Variants in NEGR1 observed in about 807,000 individuals in gnomAD.
NEGR1 encodes the protein IgLON family member 4.
A neutral mutation model predicts 40.9 loss-of-function variants in NEGR1; 10 were observed. The ratio of observed to expected loss-of-function variants is 0.24; its 90% CI spans 0.15 to 0.42. The LOEUF is 0.42. Ranked by LOEUF, NEGR1 falls within the 10% of genes least tolerant of loss-of-function variation. NEGR1 has a pLI of 1.00. For missense variants in NEGR1, 352 were observed against 438.9 expected, an observed-to-expected ratio of 0.80 and a Z score of 1.77; for synonymous variants, 185 against 166.8, an observed-to-expected ratio of 1.11 and a Z score of -0.84.
chr1:72,034,883 A>T (rs1481742775), intron 1 of NEGR1, among the ~76,000 whole-genome samples: 1 of 152,160 alleles, frequency 6.6e-6, no homozygotes, highest in Non-Finnish European at 1.5e-5. Flanking sequence ...CCTGATAGAT[A>T]TGCAAACTAG....
intron 2 of NEGR1, among the ~76,000 whole-genome samples, chr1:71,870,031 C>T (rs1057120822): frequency 3.3e-5 from 5 of 151,978 alleles, no homozygotes; most frequent in African/African-American, 4.8e-5. Context: ...AGGCGCGGGC[C>T]ACCACAGCTG....
chr1:72,212,500 T>A lies in NEGR1; in HGVS notation c.176+69819A>T, dbSNP rs373594163. 8.5e-5 allele frequency among the ~76,000 whole-genome samples: 13 copies of A among 152,096 alleles called. No individual in the cohort carries two copies. In the East Asian group the frequency reaches 1.4e-3, roughly 16 times the overall value. ...GCCCAACAACAATCAAAGCCAAGAT[T>A]ACCTATAAAAACACAAATGTACAAT... On this transcript the variant is annotated intron_variant, in intron 1 of 6. Transcript: ENST00000357731.
intron 3 of NEGR1, among the ~76,000 whole-genome samples, chr1:71,754,500 G>C (rs1655668092): frequency 6.6e-6 from 1 of 152,140 alleles, no homozygotes; most frequent in African/African-American, 2.4e-5. Flanking sequence ...ATCAATTACT[G>C]TTGAAGCCAA....
intron 1 of NEGR1, among the ~76,000 whole-genome samples, chr1:71,952,094 G>A (rs777462238): frequency 7.2e-5 from 11 of 151,736 alleles, no homozygotes; most frequent in Non-Finnish European, 1.3e-4. Context: ...ACCCTACAGC[G>A]ATCTCTAAAT....
At chr1:71,651,940 T>C (rs1248940033) in intron 4 of NEGR1, among the ~76,000 whole-genome samples, 1 of 152,206 alleles carries the variant, frequency 6.6e-6, no homozygotes, top group African/African-American at 2.4e-5. Flanking sequence ...TGTAAATTTC[T>C]TGAGTGTGCT....
Position 71,854,927 on chromosome 1 carries a change from A to G in NEGR1, c.410-78630T>C, listed in dbSNP as rs148407177. Among the ~76,000 whole-genome samples the G allele has an allele frequency of 1.6e-3, 245 of 152,186 alleles. 1 individual carries two copies. The highest frequency in any genetic ancestry group is 0.01 in the Middle Eastern group (3 of 294). ...GTGAGGACACAGCCAAACCATATCA[A>G]TAATCTTAGGTATCAAAACAATGTC... On this transcript the variant is annotated intron_variant, in intron 2 of 6. Transcript: ENST00000357731.
chr1:71,808,671 T>C (rs985755121), intron 2 of NEGR1, among the ~76,000 whole-genome samples: 1 of 152,114 alleles, frequency 6.6e-6, no homozygotes, highest in Non-Finnish European at 1.5e-5. Context: ...AGCAGTAACA[T>C]GAAAATGAAT....
chr1:71,510,143 A>C (rs1647063125), intron 6 of NEGR1, among the ~76,000 whole-genome samples: 1 of 152,204 alleles, frequency 6.6e-6, no homozygotes, highest in South Asian at 2.1e-4. Flanking sequence ...CAATCCTTAT[A>C]TCTCTCATAA....
At chr1:72,207,123 C>A in intron 1 of NEGR1, among the ~76,000 whole-genome samples, 2 of 144,830 alleles carry the variant, frequency 1.4e-5, no homozygotes, top group Non-Finnish European at 3.0e-5. Context: ...ATATAACAGG[C>A]TACAAAGAAA....
At chr1:71,857,809 CTTTT>C (rs2101819789) in intron 2 of NEGR1, among the ~76,000 whole-genome samples, 2 of 151,938 alleles carry the variant, frequency 1.3e-5, no homozygotes, top group African/African-American at 4.8e-5. Context: ...TATACATTTT[CTTTT>C]TGTCTCAAAT....
intron 6 of NEGR1, among the ~76,000 whole-genome samples, chr1:71,512,088 T>C (rs956277995): frequency 6.6e-6 from 1 of 152,200 alleles, no homozygotes; most frequent in Non-Finnish European, 1.5e-5. Flanking sequence ...TAAAGTACTA[T>C]GAATAGTCTT....
intron 1 of NEGR1, among the ~76,000 whole-genome samples, chr1:72,104,395 C>A (rs763968158): frequency 6.6e-6 from 1 of 151,956 alleles, no homozygotes; most frequent in Admixed American, 6.6e-5. Context: ...GCCCAAATGA[C>A]GTGATTGCTG....
chr1:71,816,426 T>C (rs1261777161), intron 2 of NEGR1, among the ~76,000 whole-genome samples: 1 of 152,054 alleles, frequency 6.6e-6, no homozygotes, highest in Admixed American at 6.6e-5. Flanking sequence ...GCCACATGGC[T>C]AGGGAGGCCT....
chr1:72,049,436 C>A, intron 1 of NEGR1, among the ~76,000 whole-genome samples: 1 of 151,576 alleles, frequency 6.6e-6, no homozygotes, highest in Non-Finnish European at 1.5e-5. Context: ...ATAGTAAGTA[C>A]AAAGAGATAT....
intron 1 of NEGR1, among the ~76,000 whole-genome samples, chr1:72,014,514 C>T (rs1646690881): frequency 6.6e-6 from 1 of 151,924 alleles, no homozygotes; most frequent in Non-Finnish European, 1.5e-5. Flanking sequence ...TTTCACTTTA[C>T]AATTCAGGTT....
At chr1:71,470,926 C>G (rs2101356289) in intron 6 of NEGR1, among the ~76,000 whole-genome samples, 1 of 152,222 alleles carries the variant, frequency 6.6e-6, no homozygotes, top group African/African-American at 2.4e-5. Context: ...TTTTGCTTCT[C>G]TCCTCATTTT....
At position 72,022,219 on chromosome 1, in the gene NEGR1, C is replaced by A. The variant is rs563475098; in HGVS notation, c.177-86908G>T. Among the ~76,000 whole-genome samples the A allele has an allele frequency of 2.0e-3, 271 of 138,644 alleles. 3 individuals carry two copies. The highest frequency in any genetic ancestry group is 7.1e-3 in the African/African-American group (268 of 37,966). 91.0% of individuals were successfully genotyped at this position (138,644 alleles called of 152,430 possible). ...GGGAATTGTAAGTTGGATATCAAAA[C>A]CAGACCAGGAAGCTGACAATAGAAA... On this transcript the variant is annotated intron_variant, in intron 1 of 6. Transcript: ENST00000357731.
rs1646240164 is a variant in NEGR1, at chr1:71,400,549, C to G, written c.*6897G>C. 6.6e-6 allele frequency: 1 copy of G among 151,706 alleles called. No individual in the cohort carries two copies. The highest frequency in any genetic ancestry group is 2.4e-5 in the African/African-American group (1 of 41,278). The allele number at this position is 151,706 out of a possible 1,614,324, so 9.4% of individuals were successfully genotyped here. A position where few individuals can be genotyped will look rare whatever the true frequency, so the allele number is the denominator to read the frequency against. On this transcript the variant is annotated 3_prime_UTR_variant, in exon 7 of 7. Coordinates refer to ENST00000357731, the MANE Select transcript of NEGR1 (RefSeq NM_173808.3). ...GCAAGGTAGTTCTTGTGACTGTTTA[C>G]TTTCTCTTTCACATGTCCTAGACTA... is the stretch of plus-strand genomic sequence containing the variant.
At chr1:72,045,900 T>C (rs186564893) in intron 1 of NEGR1, among the ~76,000 whole-genome samples, 124 of 151,880 alleles carry the variant, frequency 8.2e-4, no homozygotes, top group African/African-American at 2.8e-3. Flanking sequence ...TGAGTCCAGG[T>C]GGATTTTGTA....
Sources: allele counts gnomAD v4.1 joint callset (sites outside exome capture counted in the v4.1 genomes callset), GRCh38; gene constraint gnomAD v4.1.1; transcripts MANE v1.5; gene names NCBI Gene and HGNC (gene_info 2026-07-23, HGNC 2026-07-21).